The following OPA1 variants were observed in gnomAD, a reference collection of about 807,000 sequenced individuals.
OPA1 encodes OPA1 mitochondrial dynamin like GTPase.
Under a neutral mutation model 152.9 loss-of-function variants are expected in OPA1, and 59 were observed. That is an observed-to-expected ratio of 0.39 (90% CI 0.31 to 0.48). The LOEUF is 0.48. OPA1 is among the 20% of genes least tolerant of loss of function. The pLI is 0.96. For synonymous variants in OPA1, 400 were observed against 389.9 expected, an observed-to-expected ratio of 1.03 and a Z score of -0.31; for missense variants, 1,008 against 1,216.8, an observed-to-expected ratio of 0.83 and a Z score of 2.55.
chr3:193,598,754 T>C (rs1726000532), intron 1 of OPA1, among the ~76,000 whole-genome samples: 1 of 152,224 alleles, frequency 6.6e-6, no homozygotes, highest in African/African-American at 2.4e-5. Flanking sequence ...AATACAGCTA[T>C]TATGCCATTT....
chr3:193,660,337 A>C (rs9291060), intron 25 of OPA1, among the ~76,000 whole-genome samples: 64,276 of 151,844 alleles, frequency 0.42, 13,891 homozygotes, highest in Non-Finnish European at 0.43. Context: ...AAATGAAAGA[A>C]TCTAAATAGA....
rs771023286 is a variant in OPA1, at chr3:193,645,725, C to T, written c.1682-3C>T. The T allele has an allele frequency of 6.2e-7, 1 of 1,613,352 alleles. No homozygotes were observed. The highest frequency in any genetic ancestry group is 8.5e-7 in the Non-Finnish European group (1 of 1,179,536). On this transcript the variant is annotated splice_polypyrimidine_tract_variant and splice_region_variant and intron_variant, in intron 17 of 30. Coordinates refer to ENST00000361510, the MANE Select transcript of OPA1 (RefSeq NM_130837.3). The stretch of plus-strand genomic sequence containing the variant: ...TGAAAATTTGACCATCATTCTTCCC[C>T]AGGGAACAGCTCTGAAAGCATTGAA...
intron 7 of OPA1, chr3:193,628,584 G>A (rs1313218839): frequency 1.3e-5 from 2 of 152,144 alleles, no homozygotes; most frequent in African/African-American, 4.8e-5. Context: ...AAAAGCTCTG[G>A]TTTCAAGACC....
Position 193,626,202 on chromosome 3 carries a change from G to A in OPA1, c.789G>A (p.Lys263=), listed in dbSNP as rs112830022. The A allele has an allele frequency of 6.2e-7, 1 of 1,609,752 alleles. No individual in the cohort carries two copies. Among genetic ancestry groups the A allele is most frequent in the South Asian group, 1.1e-5 (1 of 90,962 alleles). Residue 263 remains lysine, a splice_region_variant and synonymous_variant, in exon 7 of 31, where the codon AAG becomes AAA. Transcript: ENST00000361510. Reference sequence around the variant, plus strand: ...CGAGCTATGCCCAACAGAAGCGCAAGGTGATGGATGGTTTAAGGGGGCTAC... The same window carrying A: ...CGAGCTATGCCCAACAGAAGCGCAAAGTGATGGATGGTTTAAGGGGGCTAC... ...YSTSYAQQKR[K]VSDKEKIDQL...
chr3:193,668,174 T>C, intron 29 of OPA1: 3 of 620,852 alleles, frequency 4.8e-6, no homozygotes, highest in Non-Finnish European at 5.6e-6. Context: ...AGGTTTGTTC[T>C]AGTGTTCTCC....
chr3:193,664,884 AG>A lies in OPA1; in HGVS notation c.2668del (p.Asp890IlefsTer12). 6.6e-7 allele frequency: 1 copy of A among 1,516,314 alleles called. No individual in the cohort carries two copies. Among genetic ancestry groups the A allele is most frequent in the South Asian group, 1.1e-5 (1 of 88,872 alleles). 93.9% of individuals were successfully genotyped at this position (1,516,314 alleles called of 1,614,324 possible). A position where few individuals can be genotyped will look rare whatever the true frequency, so the allele number is the denominator to read the frequency against. On this transcript the variant is annotated frameshift_variant, in exon 27 of 31. Coordinates refer to ENST00000361510, the MANE Select transcript of OPA1 (RefSeq NM_130837.3). LOFTEE classifies it high-confidence loss of function. ...CTTTCTTTTTTCTCATTTTAGATTA[AG>A]GATACTTGGCATCAAGTTTATAGAA... ...RGVEVDPSLI[K>X]DTWHQVYRRH...
At chr3:193,649,218 T>C (rs1368614067) in intron 21 of OPA1, among the ~76,000 whole-genome samples, 1 of 152,182 alleles carries the variant, frequency 6.6e-6, no homozygotes, top group African/African-American at 2.4e-5. Context: ...TTGGTATATA[T>C]TTTCAGGTTC....
chr3:193,616,450 T>C (rs943066283), intron 3 of OPA1, among the ~76,000 whole-genome samples: 2 of 152,218 alleles, frequency 1.3e-5, no homozygotes, highest in Admixed American at 6.5e-5. Flanking sequence ...TTTGTCAGCA[T>C]TTCCATGCTG....
chr3:193,629,543 A>T (rs1255971351), intron 7 of OPA1, among the ~76,000 whole-genome samples: 1 of 151,548 alleles, frequency 6.6e-6, no homozygotes, highest in Non-Finnish European at 1.5e-5. Context: ...CTAAAAATAC[A>T]AAAAAAATTA....
chr3:193,614,354 T>C (rs1728702027), intron 1 of OPA1, among the ~76,000 whole-genome samples: 1 of 152,272 alleles, frequency 6.6e-6, no homozygotes, highest in East Asian at 1.9e-4. Flanking sequence ...TTTCAATTCC[T>C]GAGACCAGGA....
chr3:193,689,043 C>G (rs1053456356), intron 29 of OPA1: 25 of 152,228 alleles, frequency 1.6e-4, no homozygotes, highest in African/African-American at 5.5e-4. Flanking sequence ...AAGGCTAACT[C>G]CAGGCTTTAA....
Position 193,689,942 on chromosome 3 carries a change from T to C in OPA1, c.2984-2121T>C, listed in dbSNP as rs539334691. On this transcript the variant is annotated intron_variant, in intron 29 of 30. Coordinates refer to ENST00000361510, the MANE Select transcript of OPA1 (RefSeq NM_130837.3). The stretch of plus-strand genomic sequence containing the variant: ...TCTAGGTAACAATTTAGAAAATGTC[T>C]TTCTCCTAACCTCCCCACTTTTTAA... 5.9e-5 allele frequency among the ~76,000 whole-genome samples: 9 copies of C among 152,218 alleles called. No individual in the cohort carries two copies. In the East Asian group the frequency reaches 1.4e-3, roughly 23 times the overall value.
chr3:193,648,537 T>TC, intron 20 of OPA1: 1 of 438,162 alleles, frequency 2.3e-6, no homozygotes, highest in South Asian at 2.4e-5. Context: ...ATTGATGCTT[T>TC]CACATAACGT....
chr3:193,608,963 T>C (rs1351299968), intron 1 of OPA1, among the ~76,000 whole-genome samples: 3 of 152,196 alleles, frequency 2.0e-5, no homozygotes, highest in Admixed American at 6.5e-5. Flanking sequence ...TGTAATGGCC[T>C]TCTTTGTCTC....
intron 21 of OPA1, among the ~76,000 whole-genome samples, chr3:193,654,008 A>G (rs996258699): frequency 1.3e-5 from 2 of 152,182 alleles, no homozygotes; most frequent in African/African-American, 4.8e-5. Context: ...TGTAATTACC[A>G]TATGATCCAA....
intron 11 of OPA1, among the ~76,000 whole-genome samples, chr3:193,638,960 A>G (rs1001005682): frequency 3.3e-5 from 5 of 152,166 alleles, no homozygotes; most frequent in Non-Finnish European, 5.9e-5. Context: ...AGCAAGTGGG[A>G]AAAGGATTAA....
chr3:193,671,094 A>G (rs1339488110), intron 29 of OPA1, among the ~76,000 whole-genome samples: 3 of 152,232 alleles, frequency 2.0e-5, no homozygotes, highest in Non-Finnish European at 2.9e-5. Flanking sequence ...GAATAAAACC[A>G]TGATGCAAAA....
At chr3:193,666,246 G>A (rs1292692544) in intron 27 of OPA1, 50 bp from the exon 28 acceptor site, 3 of 1,489,416 alleles carry the variant, frequency 2.0e-6, no homozygotes, top group African/African-American at 2.8e-5. Context: ...TACGATGATA[G>A]TTTTCATTTT....
chr3:193,619,005 A>G (rs1729545836), intron 6 of OPA1, 69 bp downstream of exon 6: 1 of 1,216,670 alleles, frequency 8.2e-7, no homozygotes, highest in African/African-American at 1.5e-5. Context: ...ACTTCTTTGG[A>G]AGATTTTAAA....
Sources: allele counts gnomAD v4.1 joint callset (sites outside exome capture counted in the v4.1 genomes callset), GRCh38; gene constraint gnomAD v4.1.1; transcripts MANE v1.5; gene names NCBI Gene and HGNC (gene_info 2026-07-23, HGNC 2026-07-21).